Variants in TXNDC16 observed in about 807,000 individuals in gnomAD.
TXNDC16 encodes the protein thioredoxin domain containing 16.
Under a neutral mutation model 85.6 loss-of-function variants are expected in TXNDC16, and 74 were observed. The observed-to-expected ratio is 0.86, with a 90% CI of 0.72 to 1.05. The LOEUF is 1.05. Ranked by LOEUF, TXNDC16 falls within the 50% of genes least tolerant of loss-of-function variation. The pLI is 0.00. For missense variants in TXNDC16, 959 were observed against 947.0 expected (o/e 1.01, Z -0.17); for synonymous variants, 335 against 326.5 (o/e 1.03, Z -0.28).
At chr14:52,488,186 T>C (rs548159278) in intron 12 of TXNDC16, among the ~76,000 whole-genome samples, 177 bp downstream of exon 12, 1 of 152,364 alleles carries the variant, frequency 6.6e-6, no homozygotes, top group East Asian at 1.9e-4. Context: ...TATAGCATCC[T>C]TACATCTTTT....
chr14:52,432,939 G>A (rs904679339), intron 20 of TXNDC16, among the ~76,000 whole-genome samples: 10 of 152,076 alleles, frequency 6.6e-5, no homozygotes, highest in Non-Finnish European at 1.2e-4. Context: ...TATGTAAAAC[G>A]TTAAATGAAA....
chr14:52,535,916 C>T (rs780289888), intron 6 of TXNDC16, among the ~76,000 whole-genome samples: 1 of 151,848 alleles, frequency 6.6e-6, no homozygotes, highest in Non-Finnish European at 1.5e-5. Context: ...CCCAGCTACT[C>T]GGGAGGCTGA....
rs546993071 is a variant in TXNDC16, at chr14:52,500,335, TA to T, written c.757-9331del. 6.6e-4 allele frequency among the ~76,000 whole-genome samples: 100 copies of T among 152,338 alleles called. No individual in the cohort carries two copies. In the Middle Eastern group the frequency reaches 0.017, roughly 26 times the overall value. On this transcript the variant is annotated intron_variant, in intron 9 of 20. Transcript: ENST00000281741. ...TGGATGAACCTTGAGGACATTATTC[TA>T]AGTGAAATAAGCCAACTGCAAAAAC...
chr14:52,523,844 C>G (rs1044261634), intron 6 of TXNDC16, among the ~76,000 whole-genome samples: 1 of 152,120 alleles, frequency 6.6e-6, no homozygotes, highest in African/African-American at 2.4e-5. Flanking sequence ...AAAAGTAAAA[C>G]TTCCAAATTC....
At chr14:52,512,509 G>C (rs1472690993) in intron 8 of TXNDC16, among the ~76,000 whole-genome samples, 1 of 152,148 alleles carries the variant, frequency 6.6e-6, no homozygotes, top group Admixed American at 6.6e-5. Flanking sequence ...ACTTGTTGAG[G>C]AGATTCCTGA....
intron 5 of TXNDC16, 77 bp from the exon 6 acceptor site, chr14:52,536,870 C>T: frequency 8.1e-7 from 1 of 1,235,468 alleles, no homozygotes; most frequent in South Asian, 1.3e-5. Flanking sequence ...ACTTGTCTAT[C>T]AAATACATTA....
intron 18 of TXNDC16, among the ~76,000 whole-genome samples, chr14:52,451,325 G>A (rs534349986): frequency 6.7e-6 from 1 of 150,126 alleles, no homozygotes; most frequent in South Asian, 2.1e-4. Context: ...AGAGGAGAAA[G>A]GAGTAATTCC....
intron 14 of TXNDC16, among the ~76,000 whole-genome samples, chr14:52,472,043 T>G (rs2035919226): frequency 1.3e-5 from 2 of 151,522 alleles, no homozygotes; most frequent in African/African-American, 2.4e-5. Context: ...AATGTGGTAT[T>G]TTAATATTTT....
chr14:52,436,884 TCTGTCATGGAA>T (rs1272597873), intron 20 of TXNDC16, among the ~76,000 whole-genome samples: 1 of 152,058 alleles, frequency 6.6e-6, no homozygotes, highest in Non-Finnish European at 1.5e-5. Flanking sequence ...ATTTCAGGAC[TCTGTCATGGAA>T]CAGTATCAAA....
In TXNDC16 at chr14:52,482,169, G is replaced by T. The variant is rs2036164908; in HGVS notation, c.1312+61C>A. The T allele has an allele frequency of 3.5e-6, 5 of 1,445,726 alleles. No individual in the cohort carries two copies. The Admixed American group carries it at 6.5e-5, about 19-fold the overall frequency. The allele number at this position is 1,445,726 out of a possible 1,614,324, so 89.6% of individuals were successfully genotyped here. ...TTTTCTATATTTTTTGCATGACATA[G>T]TTTTACAAATAGCTACAGCTTAGAA... is the stretch of plus-strand genomic sequence containing the variant. On this transcript the variant is annotated intron_variant, in intron 14 of 20. Coordinates refer to ENST00000281741, the MANE Select transcript of TXNDC16 (RefSeq NM_020784.3).
intron 4 of TXNDC16, among the ~76,000 whole-genome samples, chr14:52,538,370 ACC>A (rs2037750960): frequency 3.3e-5 from 5 of 152,204 alleles, no homozygotes; most frequent in Non-Finnish European, 7.3e-5. Flanking sequence ...GAGCAGCCAT[ACC>A]AGCCCTGGAT....
chr14:52,460,933 CTT>C (rs1042255086), intron 16 of TXNDC16, among the ~76,000 whole-genome samples: 4 of 151,826 alleles, frequency 2.6e-5, no homozygotes, highest in South Asian at 2.1e-4. Context: ...TTAATAAAAA[CTT>C]ATATACAAAT....
rs111535976 is a variant in TXNDC16, at chr14:52,543,249, C to T, written c.160+149G>A. 1,510 of 819,436 alleles carry T rather than the reference C, an allele frequency of 1.8e-3. 20 individuals are homozygous for T. The African/African-American group carries it at 0.024, about 13-fold the overall frequency. 50.8% of individuals were successfully genotyped at this position (819,436 alleles called of 1,614,324 possible). On this transcript the variant is annotated intron_variant, in intron 3 of 20. Coordinates refer to ENST00000281741, the MANE Select transcript of TXNDC16 (RefSeq NM_020784.3). The stretch of plus-strand genomic sequence containing the variant: ...AGGTCACACCACAGGACAAGCGGCA[C>T]GGGCCGGATTCAAACCCAGTCAGAC...
intron 7 of TXNDC16, among the ~76,000 whole-genome samples, chr14:52,518,719 A>G (rs1327313877): frequency 6.6e-6 from 1 of 152,144 alleles, no homozygotes; most frequent in Non-Finnish European, 1.5e-5. Flanking sequence ...AAACTACTAT[A>G]CCAGGTAAAG....
intron 13 of TXNDC16, 133 bp downstream of exon 13, chr14:52,482,689 C>T: frequency 7.6e-6 from 5 of 658,112 alleles, no homozygotes; most frequent in Non-Finnish European, 1.2e-5. Context: ...GTAAATGCTT[C>T]AATGCACACA....
Position 52,431,918 on chromosome 14 carries a change from C to A in TXNDC16, c.*386G>T. On this transcript the variant is annotated 3_prime_UTR_variant, in exon 21 of 21. Transcript: ENST00000281741. The stretch of plus-strand genomic sequence containing the variant: ...AGTTTTTGTCTAGTACTGAACTGTC[C>A]AATACAGTAGTCACAGGCCACATGT... 5.8e-6 allele frequency: 1 copy of A among 172,092 alleles called. No homozygotes were observed. Among genetic ancestry groups the A allele is most frequent in the Admixed American group, 6.2e-5 (1 of 16,214 alleles). 10.7% of individuals were successfully genotyped at this position (172,092 alleles called of 1,614,324 possible). A position where few individuals can be genotyped will look rare whatever the true frequency, so the allele number is the denominator to read the frequency against.
intron 14 of TXNDC16, among the ~76,000 whole-genome samples, chr14:52,480,638 C>A (rs984621418): frequency 1.3e-5 from 2 of 151,810 alleles, no homozygotes; most frequent in Non-Finnish European, 2.9e-5. Flanking sequence ...CTTACTCCTG[C>A]AAGAATGGCC....
intron 16 of TXNDC16, 124 bp downstream of exon 16, chr14:52,469,909 TTTTA>T (rs1171637635): frequency 2.5e-5 from 23 of 933,558 alleles, no homozygotes; most frequent in Non-Finnish European, 3.2e-5. Flanking sequence ...GCTTACGATA[TTTTA>T]TTTTTCTTCA....
intron 16 of TXNDC16, among the ~76,000 whole-genome samples, chr14:52,465,361 G>A (rs1332651662): frequency 6.6e-6 from 1 of 152,144 alleles, no homozygotes; most frequent in Non-Finnish European, 1.5e-5. Context: ...GGGAGGCCGA[G>A]GCGGGTGGAT....
Sources: allele counts gnomAD v4.1 joint callset (sites outside exome capture counted in the v4.1 genomes callset), GRCh38; gene constraint gnomAD v4.1.1; transcripts MANE v1.5; gene names NCBI Gene and HGNC (gene_info 2026-07-23, HGNC 2026-07-21).